KLK11: variants seen among roughly 807,000 people sequenced by gnomAD.
KLK11 encodes the protein kallikrein related peptidase 11, also known as kallikrein-11.
A neutral mutation model predicts 23.4 loss-of-function variants in KLK11; 10 were observed. That is an observed-to-expected ratio of 0.43 (90% CI 0.26 to 0.73). The LOEUF (loss-of-function observed/expected upper bound fraction) is 0.73. KLK11 is among the 30% of genes least tolerant of loss of function. The probability of loss-of-function intolerance (pLI) is 0.22; values close to 1 mark genes in which losing one functional copy is unlikely to be tolerated. For missense variants in KLK11, 285 were observed against 327.8 expected (o/e 0.87, Z 1.01); for synonymous variants, 131 against 131.7 (o/e 0.99, Z 0.03).
chr19:51,022,335 A>C lies in KLK11; in HGVS notation c.*210T>G. Reference sequence around the variant, plus strand: ...ACAAACCAGGTGTTGTCATTCCCAGAGTCACAATATTTCAAGGCAGAATTT... The same window carrying C: ...ACAAACCAGGTGTTGTCATTCCCAGCGTCACAATATTTCAAGGCAGAATTT... On this transcript the variant is annotated 3_prime_UTR_variant, in exon 6 of 6. Transcript: ENST00000453757. The C allele has an allele frequency of 1.7e-6, 1 of 590,192 alleles. No individual in the cohort carries two copies. The highest frequency in any genetic ancestry group is 3.0e-6 in the Non-Finnish European group (1 of 331,084). The allele number at this position is 590,192 out of a possible 1,614,324, so 36.6% of individuals were successfully genotyped here.
In KLK11 at chr19:51,023,146, G is replaced by C. The variant is rs2091427197; in HGVS notation, c.546C>G (p.Ile182Met). ...CGCTGGCACACACCATGGTGTCTGT[G>C]ATGTTGCCGGGGTAGGCGTTCTCAC... ...QKCENAYPGN[I>M]TDTMVCASVQ... The change falls in exon 5 of 6, where the codon ATC (isoleucine) becomes ATG (methionine). Residue 182 changes from isoleucine (I) to methionine (M), a missense_variant. Ile to Met is a conservative substitution (Grantham distance 10, BLOSUM62 1). Transcript: ENST00000453757. 2 of 1,613,376 alleles carry C rather than the reference G, an allele frequency of 1.2e-6. No individual in the cohort carries two copies. Among genetic ancestry groups the C allele is most frequent in the South Asian group, 2.2e-5 (2 of 90,862 alleles).
At position 51,022,686 on chromosome 19, in the gene KLK11, C is replaced by A. The variant is rs144171540; in HGVS notation, c.612G>T (p.Gly204=). The change falls in exon 6 of 6, where the codon GGG becomes GGT. Residue 204 remains glycine, a synonymous_variant. Transcript: ENST00000453757. ...GAGACTGGTTACAGACCAGAGGGCC[C>A]CCGGAGTCACCCTGGGCACGGGGAG... ...GGKDSCQGDS[G]GPLVCNQSLQ... 1 of 1,612,908 alleles carries A rather than the reference C, an allele frequency of 6.2e-7. No homozygotes were observed. Among genetic ancestry groups the A allele is most frequent in the South Asian group, 1.1e-5 (1 of 91,016 alleles).
chr19:51,022,852 T>A (rs2091421934), intron 5 of KLK11, among the ~76,000 whole-genome samples, 155 bp from the exon 6 acceptor site: 1 of 151,084 alleles, frequency 6.6e-6, no homozygotes, highest in African/African-American at 2.4e-5. Context: ...GGATTATGGG[T>A]GGGATAAAGG....
Position 51,024,135 on chromosome 19 carries a change from C to G in KLK11, c.373G>C (p.Ala125Pro), listed in dbSNP as rs749970490. 9.3e-6 allele frequency: 15 copies of G among 1,611,030 alleles called. No homozygotes were observed. In the South Asian group the frequency reaches 1.7e-4, roughly 18 times the overall value. ...GAGGAGAGGGTGAGGGGTCGCACAGCCCAGGTGATGGAGACTGGCGATGCC... is the reference window on the plus strand; with the variant it reads ...GAGGAGAGGGTGAGGGGTCGCACAGGCCAGGTGATGGAGACTGGCGATGCC... ...KMASPVSITW[A>P]VRPLTLSSRC... is the part of the protein sequence containing the mutation. Residue 125 changes from alanine (A) to proline (P), a missense_variant, in exon 4 of 6, where the codon GCT becomes CCT. Physicochemically the swap from Ala to Pro is conservative, Grantham distance 27. Transcript: ENST00000453757. This position sits in a 1 kb window ranked among gnomAD's most constrained non-coding sequence, Gnocchi z 6.2.
intron 5 of KLK11, among the ~76,000 whole-genome samples, 167 bp from the exon 6 acceptor site, chr19:51,022,864 TG>T (rs1164593822): frequency 1.3e-5 from 2 of 151,630 alleles, no homozygotes; most frequent in African/African-American, 4.8e-5. Flanking sequence ...GGATAAAGGA[TG>T]GGGTTAGGCT....
upstream of KLK11, chr19:51,027,288 G>A (rs2091500800): frequency 1.5e-6 from 1 of 672,000 alleles, no homozygotes; most frequent in Admixed American, 2.4e-5. Context: ...CAGGACCGGA[G>A]GGTGGGGGAG....
In KLK11 at chr19:51,024,887, G is replaced by T. The variant is rs1600154191; in HGVS notation, c.41-93C>A. ...AATGGGGGTGGGGAGGAGAGAAAGA[G>T]AGTGGGTGGTCTGGGCCCTGGTCTG... On this transcript the variant is annotated intron_variant, in intron 2 of 5. Coordinates refer to ENST00000453757, the MANE Select transcript of KLK11 (RefSeq NM_001136032.3). This position sits in a 1 kb window ranked among gnomAD's most constrained non-coding sequence, Gnocchi z 6.2. The T allele has an allele frequency of 7.9e-7, 1 of 1,264,992 alleles. No homozygotes were observed. The highest frequency in any genetic ancestry group is 1.5e-5 in the African/African-American group (1 of 64,540). 78.4% of individuals were successfully genotyped at this position (1,264,992 alleles called of 1,614,324 possible).
intron 4 of KLK11, 79 bp from the exon 5 acceptor site, chr19:51,023,307 C>T (rs1019255690): frequency 2.2e-5 from 33 of 1,532,874 alleles, no homozygotes; most frequent in Middle Eastern, 2.3e-4. Context: ...TGATCCCGCC[C>T]CTGGGGGAAT....
rs1049824621 is a variant in KLK11, at chr19:51,025,282, A to G, written c.40+310T>C. Among the ~76,000 whole-genome samples the G allele has an allele frequency of 1.6e-4, 24 of 151,888 alleles. No homozygotes were observed. The highest frequency in any genetic ancestry group is 5.6e-4 in the African/African-American group (23 of 41,370). On this transcript the variant is annotated intron_variant, in intron 2 of 5. Coordinates refer to ENST00000453757, the MANE Select transcript of KLK11 (RefSeq NM_001136032.3). The surrounding 1 kb of genome is among the most constrained non-coding windows in gnomAD (Gnocchi z 6.2). ...AGACTTTGTCTCTGGGAAAAAAAAA[A>G]AAGGAAATACTTCCATACTGGTTGG... is the stretch of plus-strand genomic sequence containing the variant.
At chr19:51,026,094 CCT>C (rs1288012217) in intron 1 of KLK11, among the ~76,000 whole-genome samples, 3 of 152,138 alleles carry the variant, frequency 2.0e-5, no homozygotes, top group Non-Finnish European at 4.4e-5. Flanking sequence ...CGTAGCCACC[CCT>C]TTTTCATTGT....
intron 1 of KLK11, among the ~76,000 whole-genome samples, chr19:51,026,024 G>C (rs1179222944): frequency 6.6e-6 from 1 of 152,142 alleles, no homozygotes; most frequent in Non-Finnish European, 1.5e-5. Context: ...TTCTTGCCTT[G>C]AGAGCTGGCC....
At chr19:51,023,922 A>C in intron 4 of KLK11, 123 bp downstream of exon 4, 1 of 889,826 alleles carries the variant, frequency 1.1e-6, no homozygotes, top group Non-Finnish European at 1.6e-6. Flanking sequence ...CGTTTTCCAC[A>C]CATCCTCTCA....
chr19:51,027,336 G>C (rs904803660), upstream of KLK11: 1 of 1,025,086 alleles, frequency 9.8e-7, no homozygotes, highest in South Asian at 1.4e-5. Flanking sequence ...CCAGGAAAGG[G>C]AACAGAGCCC....
chr19:51,025,685 A>G lies in KLK11; in HGVS notation c.-35-19T>C, dbSNP rs748658205. 41 of 1,336,566 alleles carry G rather than the reference A, an allele frequency of 3.1e-5. No homozygotes were observed. In the East Asian group the frequency reaches 9.2e-4, roughly 30 times the overall value. 82.8% of individuals were successfully genotyped at this position (1,336,566 alleles called of 1,614,324 possible). A position where few individuals can be genotyped will look rare whatever the true frequency, so the allele number is the denominator to read the frequency against. Reference sequence around the variant, plus strand: ...GGTTCCTCTGGGAACAAGGAGGGACATGGGGCCGCATCACTTTACGGGGAA... The same window carrying G: ...GGTTCCTCTGGGAACAAGGAGGGACGTGGGGCCGCATCACTTTACGGGGAA... On this transcript the variant is annotated intron_variant, in intron 1 of 5. Coordinates refer to ENST00000453757, the MANE Select transcript of KLK11 (RefSeq NM_001136032.3). The surrounding 1 kb of genome is among the most constrained non-coding windows in gnomAD (Gnocchi z 6.2).
In KLK11 at chr19:51,025,757, TGCTCCC is replaced by T. The variant is rs1457621899; in HGVS notation, c.-35-97_-35-92del. 5.5e-6 allele frequency: 3 copies of T among 548,094 alleles called. No individual in the cohort carries two copies. Among genetic ancestry groups the T allele is most frequent in the Non-Finnish European group, 9.8e-6 (3 of 304,906 alleles). The allele number at this position is 548,094 out of a possible 1,614,324, so 34.0% of individuals were successfully genotyped here. ...CATGCCCTCTCCTCTCTCCCTCACC[TGCTCCC>T]GCTCCCCACTTGGGAGAAACAAGGT... On this transcript the variant is annotated intron_variant, in intron 1 of 5. Coordinates refer to ENST00000453757, the MANE Select transcript of KLK11 (RefSeq NM_001136032.3). This position sits in a 1 kb window ranked among gnomAD's most constrained non-coding sequence, Gnocchi z 6.2.
rs753721855 is a variant in KLK11, at chr19:51,024,671, C to G, written c.164G>C (p.Arg55Thr). 6 of 1,594,412 alleles carry G rather than the reference C, an allele frequency of 3.8e-6. No homozygotes were observed. Among genetic ancestry groups the G allele is most frequent in the Admixed American group, 1.8e-5 (1 of 56,496 alleles). Residue 55 changes from arginine to threonine, a missense_variant, in exon 3 of 6, where the codon AGA becomes ACA. Transcript: ENST00000453757. This position sits in a 1 kb window ranked among gnomAD's most constrained non-coding sequence, Gnocchi z 6.2. ...LLCGATLIAPRWLLTAAHCLK... is the reference protein window; with the variant it reads ...LLCGATLIAPTWLLTAAHCLK... The stretch of plus-strand genomic sequence containing the variant: ...GCAGTGGGCTGCTGTCAGGAGCCAT[C>G]TGGGGGCGATGAGCGTCGCCCCACA...
In KLK11 at chr19:51,025,684, C is replaced by T. The variant is rs1438685146; in HGVS notation, c.-35-18G>A. ...AGGTTCCTCTGGGAACAAGGAGGGA[C>T]ATGGGGCCGCATCACTTTACGGGGA... is the stretch of plus-strand genomic sequence containing the variant. On this transcript the variant is annotated intron_variant, in intron 1 of 5. Coordinates refer to ENST00000453757, the MANE Select transcript of KLK11 (RefSeq NM_001136032.3). This position sits in a 1 kb window ranked among gnomAD's most constrained non-coding sequence, Gnocchi z 6.2. 3 of 1,381,512 alleles carry T rather than the reference C, an allele frequency of 2.2e-6. No individual in the cohort carries two copies. In the East Asian group the frequency reaches 7.9e-5, roughly 36 times the overall value. The allele number at this position is 1,381,512 out of a possible 1,614,324, so 85.6% of individuals were successfully genotyped here.
In KLK11 at chr19:51,025,540, A is replaced by G; in HGVS notation, c.40+52T>C. On this transcript the variant is annotated intron_variant, in intron 2 of 5. Transcript: ENST00000453757. The surrounding 1 kb of genome is among the most constrained non-coding windows in gnomAD (Gnocchi z 6.2). ...CTGTCCAGACACAGAGGGTTAGGGG[A>G]TCCCAGAGATTCAAGAGGGAGGATC... 1 of 1,257,714 alleles carries G rather than the reference A, an allele frequency of 8.0e-7. No individual in the cohort carries two copies. Among genetic ancestry groups the G allele is most frequent in the Non-Finnish European group, 1.1e-6 (1 of 903,342 alleles). The allele number at this position is 1,257,714 out of a possible 1,614,324, so 77.9% of individuals were successfully genotyped here. A position where few individuals can be genotyped will look rare whatever the true frequency, so the allele number is the denominator to read the frequency against.
chr19:51,024,943 G>A lies in KLK11; in HGVS notation c.41-149C>T. 1 of 671,312 alleles carries A rather than the reference G, an allele frequency of 1.5e-6. No individual in the cohort carries two copies. 41.6% of individuals were successfully genotyped at this position (671,312 alleles called of 1,614,324 possible). A position where few individuals can be genotyped will look rare whatever the true frequency, so the allele number is the denominator to read the frequency against. On this transcript the variant is annotated intron_variant, in intron 2 of 5. Coordinates refer to ENST00000453757, the MANE Select transcript of KLK11 (RefSeq NM_001136032.3). This position sits in a 1 kb window ranked among gnomAD's most constrained non-coding sequence, Gnocchi z 6.2. The stretch of plus-strand genomic sequence containing the variant: ...CCTCTGGGTTGCCCTGGATGCTGGG[G>A]TCGGGTATTAAAGGATGAAAATACT...
Sources: gnomAD v4.1 joint callset for allele counts (sites outside exome capture counted in the v4.1 genomes callset) on GRCh38, gnomAD v4.1.1 for gene constraint, Gnocchi (gnomAD v3.1) non-coding constraint, MANE v1.5 for transcripts, NCBI Gene and HGNC (gene_info 2026-07-23, HGNC 2026-07-21) for gene names.